Variants in RFC3 observed in about 807,000 individuals in gnomAD.
The protein encoded by RFC3 is replication factor C subunit 3.
RFC3 carries 41 observed loss-of-function variants against 45.1 expected under a neutral mutation model. The observed-to-expected ratio is 0.91, with a 90% confidence interval of 0.71 to 1.18. The LOEUF (loss-of-function observed/expected upper bound fraction) is 1.18, where lower values mean the gene tolerates loss of function less well. Among genes scored for constraint, RFC3 ranks in the 50% most tolerant of loss-of-function variants. RFC3 has a pLI of 0.00. For synonymous variants in RFC3, 149 were observed against 144.0 expected (o/e 1.03, Z -0.25); for missense variants, 423 against 428.1 (o/e 0.99, Z 0.10).
At chr13:33,846,783 C>G (rs1593633344) in intron 8 of RFC3, 1 of 152,212 alleles carries the variant, frequency 6.6e-6, no homozygotes, top group Non-Finnish European at 1.5e-5. Context: ...TCAGTTTCTG[C>G]CCACTGGGAT....
chr13:33,874,985 C>T (rs1185447404), intron 8 of RFC3, among the ~76,000 whole-genome samples: 1 of 152,192 alleles, frequency 6.6e-6, no homozygotes, highest in African/African-American at 2.4e-5. Context: ...TGAAAGTCCA[C>T]CTGTGCTTTT....
intron 8 of RFC3, among the ~76,000 whole-genome samples, chr13:33,880,214 A>T (rs2082473833): frequency 6.6e-6 from 1 of 152,234 alleles, no homozygotes; most frequent in Admixed American, 6.5e-5. Flanking sequence ...CATATTAAAC[A>T]CATATTATGA....
downstream of RFC3, among the ~76,000 whole-genome samples, chr13:33,967,486 CT>C (rs11393413): frequency 1.9e-4 from 23 of 119,432 alleles, no homozygotes; most frequent in Admixed American, 2.0e-4. Context: ...ACCAGCAATT[CT>C]TTTTTTTTTT....
intron 8 of RFC3, among the ~76,000 whole-genome samples, chr13:33,844,999 C>G (rs1266688808): frequency 6.6e-6 from 1 of 152,184 alleles, no homozygotes; most frequent in Non-Finnish European, 1.5e-5. Context: ...TTTTGTTTAT[C>G]TGGGAAAGTC....
chr13:33,860,508 C>A (rs554909216), intron 8 of RFC3, among the ~76,000 whole-genome samples: 6 of 152,174 alleles, frequency 3.9e-5, no homozygotes, highest in Admixed American at 6.5e-5. Context: ...CAATGTGCAT[C>A]CTGTGACTTG....
At chr13:33,855,686 G>T (rs972366340) in intron 8 of RFC3, among the ~76,000 whole-genome samples, 11 of 152,194 alleles carry the variant, frequency 7.2e-5, no homozygotes, top group African/African-American at 1.7e-4. Context: ...ATGTGAGATG[G>T]TATCTCGTTG....
chr13:33,846,334 G>A (rs762515850), intron 8 of RFC3: 4 of 152,240 alleles, frequency 2.6e-5, no homozygotes, highest in Non-Finnish European at 1.5e-5. Context: ...AATTCTGCCA[G>A]AGCTGGGTTC....
At chr13:33,976,469 A>G in the RFC3 span, among the ~76,000 whole-genome samples, 3 of 152,164 alleles carry the variant, frequency 2.0e-5, no homozygotes, top group African/African-American at 7.2e-5. Context: ...ACAAAAATAC[A>G]GTTAGATAGA....
intron 8 of RFC3, among the ~76,000 whole-genome samples, chr13:33,893,087 G>A (rs138782348): frequency 6.6e-6 from 1 of 152,256 alleles, no homozygotes; most frequent in Non-Finnish European, 1.5e-5. Flanking sequence ...AAGGGAAGGA[G>A]GTGGAACTAC....
At chr13:33,960,675 A>C (rs2083051115) in intron 8 of RFC3, among the ~76,000 whole-genome samples, 1 of 16,908 alleles carries the variant, frequency 5.9e-5, no homozygotes, top group Admixed American at 1.5e-3. Context: ...AAGGAGAATG[A>C]CAAATAGCCC....
intron 8 of RFC3, among the ~76,000 whole-genome samples, chr13:33,902,799 A>G (rs2082649841): frequency 6.6e-6 from 1 of 151,998 alleles, no homozygotes; most frequent in Non-Finnish European, 1.5e-5. Flanking sequence ...GGTAAATTAG[A>G]TCCTGTCATT....
chr13:33,975,673 C>T, the RFC3 span, among the ~76,000 whole-genome samples: 1 of 152,078 alleles, frequency 6.6e-6, no homozygotes. Context: ...GTAACTTTGA[C>T]AATGAGTGGA....
chr13:33,941,927 A>T (rs1438263801), intron 8 of RFC3, among the ~76,000 whole-genome samples: 1 of 152,100 alleles, frequency 6.6e-6, no homozygotes, highest in African/African-American at 2.4e-5. Context: ...TGTTTTATAC[A>T]TTTTAAAATG....
At chr13:33,923,575 C>T (rs930967593) in intron 8 of RFC3, among the ~76,000 whole-genome samples, 1 of 152,110 alleles carries the variant, frequency 6.6e-6, no homozygotes, top group African/African-American at 2.4e-5. Context: ...TTGACTAGGG[C>T]TGATGCCCTG....
chr13:33,951,469 G>A (rs1332274050), intron 8 of RFC3, among the ~76,000 whole-genome samples: 1 of 151,970 alleles, frequency 6.6e-6, no homozygotes, highest in East Asian at 1.9e-4. Context: ...TGGACCTCAT[G>A]ATCCGCTGGC....
chr13:33,934,648 C>G (rs889046080), intron 8 of RFC3, among the ~76,000 whole-genome samples: 3 of 152,244 alleles, frequency 2.0e-5, no homozygotes, highest in Non-Finnish European at 4.4e-5. Flanking sequence ...CTGACCCCAC[C>G]TGGACTCGGC....
intron 8 of RFC3, among the ~76,000 whole-genome samples, chr13:33,927,676 G>A (rs1343454302): frequency 1.3e-5 from 2 of 152,062 alleles, no homozygotes; most frequent in African/African-American, 4.8e-5. Context: ...AGTTTGACAC[G>A]AGTGACTCTA....
rs1236194539 is a variant in RFC3, at chr13:33,837,318, A to G, written c.*1023A>G. On this transcript the variant is annotated 3_prime_UTR_variant, in exon 9 of 9. Coordinates refer to ENST00000380071, the MANE Select transcript of RFC3 (RefSeq NM_002915.4). ...TTTAATGGAATCAGATATTGTAAGC[A>G]TTCTTGTGTAATACTTCATTCTCTC... is the stretch of plus-strand genomic sequence containing the variant. 6.6e-6 allele frequency: 1 copy of G among 152,156 alleles called. No homozygotes were observed. Among genetic ancestry groups the G allele is most frequent in the Non-Finnish European group, 1.5e-5 (1 of 68,028 alleles). The allele number at this position is 152,156 out of a possible 1,614,324, so 9.4% of individuals were successfully genotyped here.
At chr13:33,936,138 T>C (rs149799680) in intron 8 of RFC3, among the ~76,000 whole-genome samples, 1 of 152,126 alleles carries the variant, frequency 6.6e-6, no homozygotes, top group Non-Finnish European at 1.5e-5. Context: ...GTCTTATGCA[T>C]ACTGCCCCCA....
Sources: allele counts gnomAD v4.1 joint callset (sites outside exome capture counted in the v4.1 genomes callset), GRCh38; gene constraint gnomAD v4.1.1; transcripts MANE v1.5; gene names NCBI Gene and HGNC (gene_info 2026-07-23, HGNC 2026-07-21).